SIK3: variants seen among roughly 807,000 people sequenced by gnomAD.
SIK3 encodes SIK family kinase 3, also known as serine/threonine-protein kinase SIK3.
A neutral mutation model predicts 144.2 loss-of-function variants in SIK3; 28 were observed. The observed-to-expected ratio is 0.19, with a 90% CI of 0.14 to 0.27. The LOEUF is 0.27. Among genes scored for constraint, SIK3 ranks in the 10% least tolerant of loss-of-function variants. The pLI, the probability that SIK3 is intolerant of heterozygous loss-of-function variation, is 1.00. For synonymous variants in SIK3, 686 were observed against 676.3 expected (o/e 1.01, Z -0.22); for missense variants, 1,319 against 1,776.0 (o/e 0.74, Z 4.62).
intron 1 of SIK3, chr11:117,035,808 T>A: frequency 6.8e-7 from 1 of 1,479,012 alleles, no homozygotes; most frequent in Non-Finnish European, 9.3e-7. Flanking sequence ...TAGTGCTGCT[T>A]CCTCCTGAAG....
intron 3 of SIK3, among the ~76,000 whole-genome samples, chr11:116,944,398 G>A (rs142344736): frequency 6.2e-4 from 95 of 152,282 alleles, no homozygotes; most frequent in African/African-American, 1.9e-3. Context: ...GCACAACAGC[G>A]TGACTTGACG....
intron 1 of SIK3, among the ~76,000 whole-genome samples, chr11:117,037,118 T>C (rs1952538896): frequency 6.6e-6 from 1 of 152,190 alleles, no homozygotes; most frequent in South Asian, 2.1e-4. Context: ...AGTATTACTC[T>C]AGGAAAATTG....
intron 3 of SIK3, among the ~76,000 whole-genome samples, chr11:116,936,040 CAAG>C (rs1255553701): frequency 6.6e-6 from 1 of 152,050 alleles, no homozygotes; most frequent in African/African-American, 2.4e-5. Flanking sequence ...ACTGGGAGGC[CAAG>C]AAGGGAGGAT....
intron 3 of SIK3, among the ~76,000 whole-genome samples, chr11:116,953,460 C>T (rs959705864): frequency 6.6e-6 from 1 of 152,158 alleles, no homozygotes; most frequent in Non-Finnish European, 1.5e-5. Context: ...TCTTAAAAAT[C>T]AGATTTGTCA....
At chr11:116,967,876 G>A (rs987051674) in intron 1 of SIK3, among the ~76,000 whole-genome samples, 6 of 152,148 alleles carry the variant, frequency 3.9e-5, no homozygotes, top group Admixed American at 1.3e-4. Context: ...GGTGTTTTCC[G>A]AAGAACAGGT....
chr11:117,076,689 C>T (rs1005481900), intron 1 of SIK3, among the ~76,000 whole-genome samples: 1 of 151,960 alleles, frequency 6.6e-6, no homozygotes, highest in Admixed American at 6.6e-5. Context: ...ATTACCATAC[C>T]CGGCTAATTT....
chr11:116,917,170 AGGAG>A lies in SIK3; in HGVS notation c.616+10045_616+10048del, dbSNP rs1341242171. ...AAAGACTCCCTCAGAATCAGAGTGAAGGAGCACTCTGGGTGATTCGTTAGTCCCT... is the reference window on the plus strand; with the variant it reads ...AAAGACTCCCTCAGAATCAGAGTGAACACTCTGGGTGATTCGTTAGTCCCT... On this transcript the variant is annotated intron_variant, in intron 4 of 24. Coordinates refer to ENST00000445177, the MANE Select transcript of SIK3 (RefSeq NM_001366686.3). Among the ~76,000 whole-genome samples, 25 of 152,188 alleles carry A rather than the reference AGGAG, an allele frequency of 1.6e-4. No individual in the cohort carries two copies. The East Asian group carries it at 4.7e-3, about 28-fold the overall frequency.
chr11:116,921,291 T>C (rs561274183), intron 4 of SIK3, among the ~76,000 whole-genome samples: 1 of 152,350 alleles, frequency 6.6e-6, no homozygotes, highest in African/African-American at 2.4e-5. Context: ...GTAAAAATGC[T>C]TTGTGAAGTA....
intron 4 of SIK3, among the ~76,000 whole-genome samples, chr11:116,911,677 T>C (rs1424843584): frequency 6.6e-6 from 1 of 152,210 alleles, no homozygotes; most frequent in Non-Finnish European, 1.5e-5. Flanking sequence ...TAAAACGGTT[T>C]TGTTGCTGTT....
At chr11:117,024,731 C>A (rs1459732906) in intron 1 of SIK3, among the ~76,000 whole-genome samples, 1 of 152,074 alleles carries the variant, frequency 6.6e-6, no homozygotes, top group Non-Finnish European at 1.5e-5. Context: ...AAAACCCCAA[C>A]TCTACCAAAA....
intron 4 of SIK3, among the ~76,000 whole-genome samples, chr11:116,900,926 G>T (rs995118883): frequency 1.3e-5 from 2 of 150,970 alleles, no homozygotes; most frequent in African/African-American, 4.9e-5. Context: ...GTGCAGTGGT[G>T]CGATCTTGGC....
intron 1 of SIK3, among the ~76,000 whole-genome samples, chr11:117,058,846 G>A (rs1300365260): frequency 6.6e-6 from 1 of 152,130 alleles, no homozygotes; most frequent in Non-Finnish European, 1.5e-5. Context: ...CCTAGAGCGG[G>A]AACACAGAAA....
intron 1 of SIK3, among the ~76,000 whole-genome samples, chr11:117,011,350 C>G (rs917300534): frequency 6.6e-6 from 1 of 152,118 alleles, no homozygotes; most frequent in Admixed American, 6.6e-5. Context: ...AAGGGACTGT[C>G]TGAGCACGTA....
chr11:116,986,932 G>A (rs1471722861), intron 1 of SIK3, among the ~76,000 whole-genome samples: 1 of 152,176 alleles, frequency 6.6e-6, no homozygotes, highest in Non-Finnish European at 1.5e-5. Context: ...CATAGAAACA[G>A]AAAGCAGAAT....
chr11:117,019,021 C>CT (rs113754665), intron 1 of SIK3, among the ~76,000 whole-genome samples: 1,496 of 148,524 alleles, frequency 0.01, 27 homozygotes, highest in African/African-American at 0.032. Context: ...TTTATTGTAA[C>CT]TTTTTTTTTT....
chr11:116,998,105 C>T (rs1241414165), intron 1 of SIK3, among the ~76,000 whole-genome samples: 1 of 151,254 alleles, frequency 6.6e-6, no homozygotes, highest in Non-Finnish European at 1.5e-5. Flanking sequence ...CCTCCTGCCT[C>T]AGCCTCCAAG....
chr11:117,021,774 G>T (rs898773489), intron 1 of SIK3, among the ~76,000 whole-genome samples: 1 of 151,318 alleles, frequency 6.6e-6, no homozygotes. Context: ...TCTGGGCAAC[G>T]TAACAAGACG....
At chr11:116,923,628 T>C (rs945450668) in intron 4 of SIK3, among the ~76,000 whole-genome samples, 17 of 152,256 alleles carry the variant, frequency 1.1e-4, no homozygotes, top group Admixed American at 2.0e-4. Flanking sequence ...AAGCTAATGT[T>C]AGGTATTGTA....
At chr11:116,863,991 C>A in intron 15 of SIK3, 173 bp from the exon 16 acceptor site, 1 of 576,436 alleles carries the variant, frequency 1.7e-6, no homozygotes, top group Non-Finnish European at 3.0e-6. Flanking sequence ...GCCTGCTTCC[C>A]TTTAGAGGGC....
Sources: allele counts gnomAD v4.1 joint callset (sites outside exome capture counted in the v4.1 genomes callset), GRCh38; gene constraint gnomAD v4.1.1; transcripts MANE v1.5; gene names NCBI Gene and HGNC (gene_info 2026-07-23, HGNC 2026-07-21).